Variants in CADM2 observed in about 807,000 individuals in gnomAD.
CADM2 encodes the protein cell adhesion molecule 2, also known as immunoglobulin superfamily member 4D.
Under a neutral mutation model 49.8 loss-of-function variants are expected in CADM2, and 12 were observed. The ratio of observed to expected loss-of-function variants is 0.24; its 90% CI spans 0.15 to 0.39. CADM2 has a LOEUF of 0.39. Among genes scored for constraint, CADM2 ranks in the 10% least tolerant of loss-of-function variants. The probability of loss-of-function intolerance (pLI) is 1.00; values close to 1 mark genes in which losing one functional copy is unlikely to be tolerated. For synonymous variants in CADM2, 214 were observed against 175.4 expected (o/e 1.22, Z -1.74); for missense variants, 378 against 492.3 (o/e 0.77, Z 2.20).
At chr3:85,431,514 T>C (rs1211056530) in intron 1 of CADM2, among the ~76,000 whole-genome samples, 8 of 151,982 alleles carry the variant, frequency 5.3e-5, no homozygotes, top group Non-Finnish European at 8.8e-5. Context: ...GCTCAATTAG[T>C]GTAGCTGCGT....
intron 1 of CADM2, among the ~76,000 whole-genome samples, chr3:85,250,547 A>G (rs140775638): frequency 1.3e-5 from 2 of 151,626 alleles, no homozygotes; most frequent in African/African-American, 2.4e-5. Context: ...GCAAATGTAT[A>G]CTAGGTATTT....
intron 1 of CADM2, among the ~76,000 whole-genome samples, chr3:85,043,881 T>C (rs2035545396): frequency 6.6e-6 from 1 of 152,154 alleles, no homozygotes; most frequent in South Asian, 2.1e-4. Context: ...ATATGAATGC[T>C]ACCAAACTTC....
chr3:85,955,534 AC>A (rs1224224778), intron 7 of CADM2, among the ~76,000 whole-genome samples: 2 of 151,604 alleles, frequency 1.3e-5, no homozygotes, highest in Admixed American at 1.3e-4. Context: ...CATTCTCAGT[AC>A]CTAGGGAGTG....
intron 1 of CADM2, among the ~76,000 whole-genome samples, chr3:85,471,687 CATTTTATTTTATTTT>C (rs56816947): frequency 7.0e-5 from 10 of 143,402 alleles, no homozygotes; most frequent in South Asian, 4.4e-4. Context: ...ATATTTTTAG[CATTTTATTTTATTTT>C]ATTTTATTTT....
chr3:85,213,943 T>G (rs2041864124), intron 1 of CADM2, among the ~76,000 whole-genome samples: 1 of 152,170 alleles, frequency 6.6e-6, no homozygotes. Context: ...ATTTGTTAAA[T>G]TTATCTGATA....
chr3:86,015,810 G>T (rs1325426525), intron 8 of CADM2, among the ~76,000 whole-genome samples: 1 of 152,144 alleles, frequency 6.6e-6, no homozygotes, highest in Non-Finnish European at 1.5e-5. Context: ...GACGGAATCA[G>T]AGGCCATGGG....
chr3:85,469,198 A>AT (rs1210385741), intron 1 of CADM2, among the ~76,000 whole-genome samples: 8 of 152,182 alleles, frequency 5.3e-5, no homozygotes, highest in Admixed American at 3.3e-4. Flanking sequence ...GGTGGAGTCA[A>AT]TTTCTTTTAT....
chr3:85,760,715 GTTGT>G (rs1385223212), intron 2 of CADM2, among the ~76,000 whole-genome samples: 15 of 152,136 alleles, frequency 9.9e-5, no homozygotes, highest in African/African-American at 3.4e-4. Context: ...TCCCTTTTTA[GTTGT>G]TTGAGAATAT....
chr3:85,023,523 G>A (rs1181758058), intron 1 of CADM2, among the ~76,000 whole-genome samples: 1 of 151,926 alleles, frequency 6.6e-6, no homozygotes, highest in African/African-American at 2.4e-5. Flanking sequence ...CTTGTTTCAT[G>A]AGTCTAGAGG....
chr3:85,711,777 T>C (rs1276948081), intron 1 of CADM2, among the ~76,000 whole-genome samples: 1 of 152,182 alleles, frequency 6.6e-6, no homozygotes, highest in Non-Finnish European at 1.5e-5. Flanking sequence ...AATAATGGCC[T>C]ACTGTAATTT....
intron 3 of CADM2, among the ~76,000 whole-genome samples, chr3:85,856,019 T>C (rs1438652083): frequency 1.3e-5 from 2 of 152,208 alleles, no homozygotes; most frequent in Non-Finnish European, 2.9e-5. Context: ...ACTCGTTATT[T>C]AATTTCCTGA....
At chr3:85,486,259 T>G (rs2107636569) in intron 1 of CADM2, among the ~76,000 whole-genome samples, 1 of 152,272 alleles carries the variant, frequency 6.6e-6, no homozygotes, top group South Asian at 2.1e-4. Context: ...ATGGCGTATG[T>G]AATTTATATT....
At chr3:85,247,543 T>G (rs1036052355) in intron 1 of CADM2, among the ~76,000 whole-genome samples, 8 of 152,110 alleles carry the variant, frequency 5.3e-5, no homozygotes, top group Non-Finnish European at 1.0e-4. Context: ...CATTTAAATA[T>G]CCAAAATGAT....
chr3:86,011,226 A>G (rs1029594176), intron 8 of CADM2, among the ~76,000 whole-genome samples: 2 of 152,108 alleles, frequency 1.3e-5, no homozygotes, highest in Non-Finnish European at 2.9e-5. Context: ...TATTAATGCA[A>G]AAATCCTAAA....
intron 1 of CADM2, among the ~76,000 whole-genome samples, chr3:85,055,331 G>A (rs13072305): frequency 0.73 from 111,501 of 151,794 alleles, 42,039 homozygotes; most frequent in African/African-American, 0.89. Flanking sequence ...TCTTATTCCA[G>A]TGTAGTCCGT....
At chr3:86,024,999 C>T (rs769675356) in intron 8 of CADM2, among the ~76,000 whole-genome samples, 14 of 152,006 alleles carry the variant, frequency 9.2e-5, no homozygotes, top group South Asian at 6.2e-4. Context: ...ATGCCTTGGC[C>T]TTCTGAGTAG....
chr3:85,997,456 T>C (rs1318003433), intron 8 of CADM2, among the ~76,000 whole-genome samples: 2 of 152,170 alleles, frequency 1.3e-5, no homozygotes, highest in Non-Finnish European at 2.9e-5. Flanking sequence ...TTTAAAACTT[T>C]TCCTTGAACT....
At chr3:85,332,353 T>A (rs2044951597) in intron 1 of CADM2, among the ~76,000 whole-genome samples, 2 of 151,980 alleles carry the variant, frequency 1.3e-5, no homozygotes, top group Non-Finnish European at 2.9e-5. Flanking sequence ...ATATCCCAAT[T>A]TAAAAATATA....
At chr3:85,884,511 T>A (rs1257687135) in intron 4 of CADM2, among the ~76,000 whole-genome samples, 1 of 152,158 alleles carries the variant, frequency 6.6e-6, no homozygotes, top group African/African-American at 2.4e-5. Context: ...AATGTATTGT[T>A]CTGTAGAGAG....
Sources: gnomAD v4.1 joint callset for allele counts (sites outside exome capture counted in the v4.1 genomes callset) on GRCh38, gnomAD v4.1.1 for gene constraint, MANE v1.5 for transcripts, NCBI Gene and HGNC (gene_info 2026-07-23, HGNC 2026-07-21) for gene names.